GRIP1: variants seen among roughly 807,000 people sequenced by gnomAD.
GRIP1 encodes glutamate receptor-interacting protein 1.
GRIP1 carries 45 observed loss-of-function variants against 129.9 expected under a neutral mutation model. The ratio of observed to expected loss-of-function variants is 0.35; its 90% CI spans 0.27 to 0.44. GRIP1 has a LOEUF of 0.44. Among genes scored for constraint, GRIP1 ranks in the 20% least tolerant of loss-of-function variants. The probability of loss-of-function intolerance (pLI) is 1.00; values close to 1 mark genes in which losing one functional copy is unlikely to be tolerated. For missense variants in GRIP1, 1,196 were observed against 1,396.8 expected (o/e 0.86, Z 2.29); for synonymous variants, 530 against 520.8 (o/e 1.02, Z -0.24).
chr12:66,888,090 C>T (rs567593517), intron 1 of GRIP1, among the ~76,000 whole-genome samples: 1 of 152,268 alleles, frequency 6.6e-6, no homozygotes, highest in Non-Finnish European at 1.5e-5. Context: ...CAGGGTCTCT[C>T]TCTGTTGCCC....
intron 7 of GRIP1, among the ~76,000 whole-genome samples, chr12:66,484,111 G>A (rs185835237): frequency 7.2e-4 from 110 of 152,022 alleles, no homozygotes; most frequent in African/African-American, 2.5e-3. Context: ...CGCCCGCCTC[G>A]GCCTCCCAAA....
At chr12:66,605,706 T>C (rs1274941059) in intron 1 of GRIP1, among the ~76,000 whole-genome samples, 3 of 152,182 alleles carry the variant, frequency 2.0e-5, no homozygotes, top group South Asian at 4.1e-4. Context: ...CTCACTATGA[T>C]CTTTCCTTCT....
chr12:66,641,498 A>G (rs1208225905), intron 1 of GRIP1, among the ~76,000 whole-genome samples: 1 of 152,230 alleles, frequency 6.6e-6, no homozygotes, highest in African/African-American at 2.4e-5. Context: ...TGTAAAATAC[A>G]CCTGCTTCAC....
intron 23 of GRIP1, among the ~76,000 whole-genome samples, chr12:66,362,840 T>A (rs1308537400): frequency 6.6e-6 from 1 of 151,534 alleles, no homozygotes; most frequent in East Asian, 1.9e-4. Flanking sequence ...GGCGTCTGAG[T>A]CTAGGGGATG....
intron 7 of GRIP1, among the ~76,000 whole-genome samples, chr12:66,507,093 T>C (rs1207995444): frequency 3.9e-5 from 6 of 152,296 alleles, no homozygotes; most frequent in Admixed American, 6.5e-5. Context: ...ATAAATACTT[T>C]AGCAGCCCTT....
chr12:66,966,128 A>G (rs946211033), intron 1 of GRIP1, among the ~76,000 whole-genome samples: 4 of 152,202 alleles, frequency 2.6e-5, no homozygotes, highest in African/African-American at 9.6e-5. Flanking sequence ...GTTCTTGCAT[A>G]TATTTATAAG....
At chr12:66,632,481 T>G (rs2030907667) in intron 1 of GRIP1, among the ~76,000 whole-genome samples, 1 of 152,206 alleles carries the variant, frequency 6.6e-6, no homozygotes, top group Non-Finnish European at 1.5e-5. Context: ...AATGTTTCCT[T>G]CTGCCATCCT....
chr12:66,882,825 AT>A (rs2040503073), intron 1 of GRIP1, among the ~76,000 whole-genome samples: 1 of 152,046 alleles, frequency 6.6e-6, no homozygotes, highest in Non-Finnish European at 1.5e-5. Flanking sequence ...GGCCAGAAGG[AT>A]TATTATCTCC....
At chr12:66,894,635 T>C (rs753818290) in intron 1 of GRIP1, among the ~76,000 whole-genome samples, 4 of 152,172 alleles carry the variant, frequency 2.6e-5, no homozygotes, top group Non-Finnish European at 5.9e-5. Flanking sequence ...GGTCCTCATA[T>C]GCCCAGGACT....
At chr12:66,824,534 C>T (rs1024316724) in intron 1 of GRIP1, among the ~76,000 whole-genome samples, 9 of 152,298 alleles carry the variant, frequency 5.9e-5, no homozygotes, top group South Asian at 2.1e-4. Flanking sequence ...CCTCCCTCCC[C>T]ACCAAGCCGA....
At chr12:66,499,883 G>A (rs1043864303) in intron 7 of GRIP1, among the ~76,000 whole-genome samples, 1 of 152,040 alleles carries the variant, frequency 6.6e-6, no homozygotes, top group African/African-American at 2.4e-5. Context: ...GGTTGTGCAC[G>A]CCTGTAGTCC....
At chr12:66,841,826 G>A (rs1456652836) in intron 1 of GRIP1, among the ~76,000 whole-genome samples, 1 of 152,138 alleles carries the variant, frequency 6.6e-6, no homozygotes, top group East Asian at 1.9e-4. Flanking sequence ...CAAATGCCTA[G>A]CACAAGGCTT....
At chr12:67,018,227 T>C (rs1349414791) in intron 1 of GRIP1, among the ~76,000 whole-genome samples, 1 of 152,052 alleles carries the variant, frequency 6.6e-6, no homozygotes, top group Non-Finnish European at 1.5e-5. Context: ...CCTCCAGGCT[T>C]ACACCAGCAA....
At chr12:66,663,722 C>T (rs1009356984) in intron 1 of GRIP1, among the ~76,000 whole-genome samples, 5 of 152,166 alleles carry the variant, frequency 3.3e-5, no homozygotes, top group African/African-American at 9.7e-5. Context: ...TTGCCTCCTA[C>T]ACATATGAAC....
At chr12:67,012,201 A>C (rs2042718910) in intron 1 of GRIP1, among the ~76,000 whole-genome samples, 1 of 152,250 alleles carries the variant, frequency 6.6e-6, no homozygotes, top group South Asian at 2.1e-4. Context: ...ATTTGTATTC[A>C]TCATAAGGAA....
intron 11 of GRIP1, among the ~76,000 whole-genome samples, chr12:66,454,624 A>AACC (rs1431339461): frequency 6.6e-6 from 1 of 152,200 alleles, no homozygotes; most frequent in Non-Finnish European, 1.5e-5. Flanking sequence ...CTATTCAGAC[A>AACC]ACCAGCTATC....
intron 1 of GRIP1, among the ~76,000 whole-genome samples, chr12:66,605,776 T>C (rs553164510): frequency 2.0e-5 from 3 of 152,224 alleles, no homozygotes; most frequent in African/African-American, 7.2e-5. Flanking sequence ...GCAAATTATA[T>C]AAATAATTGA....
intron 22 of GRIP1, among the ~76,000 whole-genome samples, chr12:66,373,535 C>T (rs1004523496): frequency 1.3e-5 from 2 of 152,202 alleles, no homozygotes; most frequent in African/African-American, 4.8e-5. Flanking sequence ...TCATCTGTCA[C>T]GTCTCTAAGA....
At chr12:66,789,569 C>T (rs1726077001) in intron 1 of GRIP1, among the ~76,000 whole-genome samples, 1 of 75,206 alleles carries the variant, frequency 1.3e-5, no homozygotes, top group African/African-American at 4.5e-5. Context: ...AATATACAAA[C>T]TTTGCTGTAC....
Sources: gnomAD v4.1 joint callset for allele counts (sites outside exome capture counted in the v4.1 genomes callset) on GRCh38, gnomAD v4.1.1 for gene constraint, MANE v1.5 for transcripts, NCBI Gene and HGNC (gene_info 2026-07-23, HGNC 2026-07-21) for gene names.